DCAF8L2: variants seen among roughly 807,000 people sequenced by gnomAD.
DCAF8L2 encodes the protein DDB1 and CUL4 associated factor 8 like 2.
For missense variants in DCAF8L2, 430 were observed against 490.7 expected, an observed-to-expected ratio of 0.88 and a Z score of 1.17; for synonymous variants, 200 against 190.9, an observed-to-expected ratio of 1.05 and a Z score of -0.39.
chrX:27,495,750 C>T, the DCAF8L2 span, among the ~76,000 whole-genome samples: 2 of 111,415 alleles, frequency 1.8e-5, no homozygotes, highest in Non-Finnish European at 3.8e-5. Flanking sequence ...TATAAGACAA[C>T]TTTTTTAGCA....
chrX:27,623,538 G>C (rs946185707), intron 1 of DCAF8L2, among the ~76,000 whole-genome samples: 4 of 110,230 alleles, frequency 3.6e-5, no homozygotes, highest in African/African-American at 1.3e-4. Flanking sequence ...ATAACAACAA[G>C]GTTTTAAATA....
intron 2 of DCAF8L2, among the ~76,000 whole-genome samples, chrX:27,650,177 A>G (rs1179587828): frequency 9.0e-6 from 1 of 111,417 alleles, no homozygotes; most frequent in Non-Finnish European, 1.9e-5. Context: ...TACCAGGACA[A>G]CGCTGTTTTG....
the DCAF8L2 span, among the ~76,000 whole-genome samples, chrX:27,549,886 C>T: frequency 3.4e-3 from 378 of 111,643 alleles, 1 homozygote; most frequent in African/African-American, 0.011. Flanking sequence ...ATGAGTCCTC[C>T]CATGGGGCAG....
intron 2 of DCAF8L2, among the ~76,000 whole-genome samples, chrX:27,640,716 A>G (rs1196648950): frequency 2.7e-5 from 3 of 112,300 alleles, no homozygotes; most frequent in African/African-American, 9.7e-5. Flanking sequence ...TGAGAGATCC[A>G]GTTACTCTAA....
chrX:27,664,828 C>T (rs888874055), intron 2 of DCAF8L2, among the ~76,000 whole-genome samples: 1 of 110,943 alleles, frequency 9.0e-6, no homozygotes, highest in African/African-American at 3.3e-5. Context: ...GAAAAAAAAG[C>T]CTGCATGGTA....
chrX:27,691,684 C>T (rs750039596), intron 3 of DCAF8L2, among the ~76,000 whole-genome samples: 15 of 111,871 alleles, frequency 1.3e-4, no homozygotes, highest in African/African-American at 4.8e-4. Context: ...ACTATTATTT[C>T]TATTTTATAA....
chrX:27,574,008 T>C, the DCAF8L2 span, among the ~76,000 whole-genome samples: 1 of 110,451 alleles, frequency 9.1e-6, no homozygotes, highest in Non-Finnish European at 1.9e-5. Flanking sequence ...TTTTAAAATT[T>C]TTATAGTAAC....
intron 4 of DCAF8L2, among the ~76,000 whole-genome samples, chrX:27,734,217 C>T (rs1199204595): frequency 9.3e-6 from 1 of 107,607 alleles, no homozygotes; most frequent in Admixed American, 9.9e-5. Flanking sequence ...AATTAAACCC[C>T]ATCTAAACCA....
rs1922458481 is a variant in DCAF8L2 at position 27,749,513 on chromosome X, T to C, written c.*722T>C. On this transcript the variant is annotated 3_prime_UTR_variant, in exon 5 of 5. Coordinates refer to ENST00000451261, the MANE Select transcript of DCAF8L2 (RefSeq NM_001353450.2). Reference sequence around the variant, plus strand: ...TTTTCTGAATCCATATATTAATAATTTTGAAAAATTTGAGTACACTGTAGC... The same window carrying C: ...TTTTCTGAATCCATATATTAATAATCTTGAAAAATTTGAGTACACTGTAGC... Among the ~76,000 whole-genome samples the C allele has an allele frequency of 8.9e-6, 1 of 112,085 alleles. No individual in the cohort carries two copies. Among genetic ancestry groups the C allele is most frequent in the African/African-American group, 3.2e-5 (1 of 30,844 alleles).
chrX:27,488,788 T>G, the DCAF8L2 span, among the ~76,000 whole-genome samples: 1 of 110,552 alleles, frequency 9.0e-6, no homozygotes, highest in Non-Finnish European at 1.9e-5. Flanking sequence ...CCTCAGTAGC[T>G]GGGACTACAG....
chrX:27,697,206 A>G (rs2147262521), intron 3 of DCAF8L2, among the ~76,000 whole-genome samples: 1 of 111,784 alleles, frequency 8.9e-6, no homozygotes, highest in African/African-American at 3.3e-5. Flanking sequence ...AGAACTTTAT[A>G]GAGGTGATAA....
In DCAF8L2 at chrX:27,747,882, C is replaced by G; in HGVS notation, c.987C>G (p.Asp329Glu). 8.3e-7 allele frequency: 1 copy of G among 1,210,673 alleles called. No individual in the cohort carries two copies. The highest frequency in any genetic ancestry group is 1.1e-6 in the Non-Finnish European group (1 of 894,645). ...CCCACAAGTTGGCTCTGGAGCCTGA[C>G]TCTCCTTATAAGTTCCTCACTTCAG... ...GPAHKLALEP[D>E]SPYKFLTSGE... Residue 329 changes from aspartate to glutamate, a missense_variant, in exon 5 of 5, where the codon GAC becomes GAG. Transcript: ENST00000451261.
chrX:27,612,305 T>G (rs1019272408), intron 1 of DCAF8L2, among the ~76,000 whole-genome samples: 1 of 111,969 alleles, frequency 8.9e-6, no homozygotes. Flanking sequence ...TGATTTTTTC[T>G]TGTAAATTTG....
intron 4 of DCAF8L2, among the ~76,000 whole-genome samples, chrX:27,719,818 TATG>T (rs2147295562): frequency 8.9e-6 from 1 of 112,154 alleles, no homozygotes; most frequent in East Asian, 2.8e-4. Context: ...TTGTTAAATT[TATG>T]ATTTACAAAT....
chrX:27,565,861 G>A, the DCAF8L2 span, among the ~76,000 whole-genome samples: 1 of 110,757 alleles, frequency 9.0e-6, no homozygotes, highest in Non-Finnish European at 1.9e-5. Context: ...ACTTGGTGGG[G>A]CCGGGGGATC....
At chrX:27,623,866 G>C (rs1927895305) in intron 1 of DCAF8L2, among the ~76,000 whole-genome samples, 1 of 111,612 alleles carries the variant, frequency 9.0e-6, no homozygotes. Context: ...AAGTACTAAA[G>C]CTACAACATT....
chrX:27,474,124 AG>A, the DCAF8L2 span, among the ~76,000 whole-genome samples: 1 of 111,489 alleles, frequency 9.0e-6, no homozygotes, highest in Non-Finnish European at 1.9e-5. Context: ...TTGTACAAGA[AG>A]CAATTATCCC....
At chrX:27,518,223 A>C in the DCAF8L2 span, 1 of 868,995 alleles carries the variant, frequency 1.2e-6, no homozygotes. Flanking sequence ...CCAAGTATGG[A>C]GGTTATAATA....
intron 4 of DCAF8L2, among the ~76,000 whole-genome samples, chrX:27,744,773 A>G (rs1420775629): frequency 9.0e-6 from 1 of 111,049 alleles, no homozygotes; most frequent in Non-Finnish European, 1.9e-5. Flanking sequence ...TGTGATTGTT[A>G]TAAAGAGTTT....
Sources: allele counts gnomAD v4.1 joint callset (sites outside exome capture counted in the v4.1 genomes callset), GRCh38; gene constraint gnomAD v4.1.1; transcripts MANE v1.5; gene names NCBI Gene and HGNC (gene_info 2026-07-23, HGNC 2026-07-21).